Variants in LRRC37A observed in about 807,000 individuals in gnomAD.
LRRC37A encodes leucine rich repeat containing 37A, also known as leucine-rich repeat-containing protein 37A.
LRRC37A carries 3 observed loss-of-function variants against 35.4 expected under a neutral mutation model. The ratio of observed to expected loss-of-function variants is 0.08; its 90% CI spans 0.04 to 0.22. The LOEUF is 0.22. LRRC37A is among the 10% of genes least tolerant of loss of function. The pLI, the probability that LRRC37A is intolerant of heterozygous loss-of-function variation, is 1.00. For missense variants in LRRC37A, 67 were observed against 565.3 expected, an observed-to-expected ratio of 0.12 and a Z score of 8.94; for synonymous variants, 23 against 215.0, an observed-to-expected ratio of 0.11 and a Z score of 7.81.
At chr17:46,285,267 G>T in the LRRC37A span, among the ~76,000 whole-genome samples, 20,066 of 145,040 alleles carry the variant, frequency 0.14, 503 homozygotes, top group Middle Eastern at 0.21. Flanking sequence ...TTGAGACAGA[G>T]TCTCACACTG....
the LRRC37A span, among the ~76,000 whole-genome samples, chr17:46,271,751 A>C: frequency 6.6e-6 from 1 of 152,230 alleles, no homozygotes; most frequent in Non-Finnish European, 1.5e-5. Context: ...TTACTTCAGA[A>C]AATATCTCCA....
chr17:46,280,194 T>C, the LRRC37A span, among the ~76,000 whole-genome samples: 3 of 151,912 alleles, frequency 2.0e-5, no homozygotes, highest in African/African-American at 7.3e-5. Context: ...CAAAACCCCA[T>C]CCCTACTAAA....
the LRRC37A span, among the ~76,000 whole-genome samples, chr17:46,269,835 GT>G: frequency 1.7e-4 from 26 of 152,222 alleles, no homozygotes; most frequent in Non-Finnish European, 3.4e-4. Context: ...GTTTATTTTT[GT>G]TTTGTTTTGT....
the LRRC37A span, among the ~76,000 whole-genome samples, chr17:46,283,632 C>T: frequency 2.6e-5 from 4 of 152,238 alleles, no homozygotes; most frequent in African/African-American, 9.6e-5. Context: ...TGGGTTGCCC[C>T]TCCACACCTG....
chr17:46,256,526 G>A, the LRRC37A span, among the ~76,000 whole-genome samples: 1 of 152,186 alleles, frequency 6.6e-6, no homozygotes, highest in Non-Finnish European at 1.5e-5. Context: ...ACCCAATTGT[G>A]CTATCACCCT....
At chr17:46,278,761 G>T in the LRRC37A span, among the ~76,000 whole-genome samples, 1 of 151,968 alleles carries the variant, frequency 6.6e-6, no homozygotes, top group South Asian at 2.1e-4. Flanking sequence ...TTTGTCTGTA[G>T]GCTGATTCTA....
chr17:46,252,214 AT>A, the LRRC37A span, among the ~76,000 whole-genome samples: 57,859 of 150,388 alleles, frequency 0.38, 11,433 homozygotes, highest in South Asian at 0.63. Flanking sequence ...TGATTCATTG[AT>A]TTTTTTTTTC....
upstream of LRRC37A, among the ~76,000 whole-genome samples, chr17:46,288,451 G>A (rs1342575562): frequency 2.0e-5 from 3 of 151,760 alleles, no homozygotes; most frequent in African/African-American, 7.3e-5. Context: ...TGGGATTACA[G>A]GTGTGTGCCA....
chr17:46,248,200 G>GTTT, the LRRC37A span, among the ~76,000 whole-genome samples: 5 of 151,902 alleles, frequency 3.3e-5, no homozygotes, highest in South Asian at 2.1e-4. Flanking sequence ...ACCCTGTTGC[G>GTTT]TTTTTAGGTT....
At chr17:46,248,571 G>T in the LRRC37A span, among the ~76,000 whole-genome samples, 2 of 152,166 alleles carry the variant, frequency 1.3e-5, no homozygotes, top group Non-Finnish European at 2.9e-5. Flanking sequence ...CCAGGCTGCA[G>T]TGCAGCGGCA....
chr17:46,316,590 C>T lies in LRRC37A; in HGVS notation c.2907-5732C>T, dbSNP rs547124469. Among the ~76,000 whole-genome samples the T allele has an allele frequency of 2.6e-4, 18 of 70,508 alleles. 4 individuals carry two copies. The East Asian group carries it at 4.8e-3, about 19-fold the overall frequency. 46.3% of individuals were successfully genotyped at this position (70,508 alleles called of 152,430 possible). On this transcript the variant is annotated intron_variant, in intron 5 of 13. Coordinates refer to ENST00000320254, the Ensembl canonical transcript of LRRC37A. The stretch of plus-strand genomic sequence containing the variant: ...AGCTGAGACTACAGGCATGCACCAC[C>T]ATGCCCAGTTTTTTTTGTTTTTGTT...
chr17:46,291,969 C>CAAAAAAAAAAAAAAAAAAAAAAAAA (rs59554870), upstream of LRRC37A, among the ~76,000 whole-genome samples: 1 of 58,090 alleles, frequency 1.7e-5, no homozygotes, highest in African/African-American at 7.2e-5. Flanking sequence ...TCTCAAAAAG[C>CAAAAAAAAAAAAAAAAAAAAAAAAA]AAAAAAAAAA....
the LRRC37A span, among the ~76,000 whole-genome samples, chr17:46,256,139 C>G: frequency 2.0e-5 from 3 of 151,786 alleles, no homozygotes; most frequent in Non-Finnish European, 4.4e-5. Flanking sequence ...AATCGCAGCA[C>G]TTTGGGAGGC....
At chr17:46,289,785 A>T (rs113754977), upstream of LRRC37A, among the ~76,000 whole-genome samples, 2,897 of 127,104 alleles carry the variant, frequency 0.023, no homozygotes, top group Middle Eastern at 0.059. Flanking sequence ...AGAGTTTTTA[A>T]TTTTTTTAAT....
Position 46,317,136 on chromosome 17 carries a change from C to A in LRRC37A, c.2907-5186C>A, listed in dbSNP as rs1451563562. Among the ~76,000 whole-genome samples, 3 of 89,436 alleles carry A rather than the reference C, an allele frequency of 3.4e-5. 1 individual carries two copies. Among genetic ancestry groups the A allele is most frequent in the Non-Finnish European group, 6.6e-5 (2 of 30,402 alleles). The allele number at this position is 89,436 out of a possible 152,430, so 58.7% of individuals were successfully genotyped here. A position where few individuals can be genotyped will look rare whatever the true frequency, so the allele number is the denominator to read the frequency against. On this transcript the variant is annotated intron_variant, in intron 5 of 13. Transcript: ENST00000320254. Reference sequence around the variant, plus strand: ...TCAATGAGCTGTTGGGTACACCTCCCAGATGGGGTGGCGGCCGGGCAGAGG... The same window carrying A: ...TCAATGAGCTGTTGGGTACACCTCCAAGATGGGGTGGCGGCCGGGCAGAGG...
At chr17:46,266,820 G>A in the LRRC37A span, among the ~76,000 whole-genome samples, 31 of 151,730 alleles carry the variant, frequency 2.0e-4, no homozygotes, top group South Asian at 1.0e-3. Context: ...GCTCCCACAG[G>A]CCCGCGCCTG....
the LRRC37A span, among the ~76,000 whole-genome samples, chr17:46,256,717 A>G: frequency 1.3e-5 from 2 of 152,200 alleles, no homozygotes; most frequent in Non-Finnish European, 2.9e-5. Context: ...AAAGCCAAAA[A>G]TTCACTGGGG....
At chr17:46,266,927 C>G in the LRRC37A span, 24,772 of 173,858 alleles carry the variant, frequency 0.14, 1 homozygote, top group Middle Eastern at 0.24. Flanking sequence ...CCCCGCCGCC[C>G]GGCCGCGCGC....
rs1458606409 is a variant in LRRC37A, at chr17:46,315,318, A to G, written c.2907-7004A>G. On this transcript the variant is annotated intron_variant, in intron 5 of 13. Coordinates refer to ENST00000320254, the Ensembl canonical transcript of LRRC37A. Reference sequence around the variant, plus strand: ...GGTGGGAGGATTGCTTGACCCCAGGAGTTCAAGGCCAGCCAGGGCAACATA... The same window carrying G: ...GGTGGGAGGATTGCTTGACCCCAGGGGTTCAAGGCCAGCCAGGGCAACATA... Among the ~76,000 whole-genome samples, 13 of 89,152 alleles carry G rather than the reference A, an allele frequency of 1.5e-4. 3 individuals are homozygous for G. The highest frequency in any genetic ancestry group is 3.8e-4 in the African/African-American group (12 of 31,336). The allele number at this position is 89,152 out of a possible 152,430, so 58.5% of individuals were successfully genotyped here. A position where few individuals can be genotyped will look rare whatever the true frequency, so the allele number is the denominator to read the frequency against.
Sources: allele counts gnomAD v4.1 joint callset (sites outside exome capture counted in the v4.1 genomes callset), GRCh38; gene constraint gnomAD v4.1.1; transcripts MANE v1.5; gene names NCBI Gene and HGNC (gene_info 2026-07-23, HGNC 2026-07-21).